Variants in TIGAR observed in about 807,000 individuals in gnomAD.
TIGAR encodes TP53 induced glycolysis regulatory phosphatase, also known as fructose-2,6-bisphosphatase TIGAR.
In TIGAR, 7 loss-of-function variants were observed where a neutral mutation model predicts 17.9. The ratio of observed to expected loss-of-function variants is 0.39; its 90% CI spans 0.22 to 0.73. The LOEUF is 0.73. Among genes scored for constraint, TIGAR ranks in the 30% least tolerant of loss-of-function variants. The pLI, the probability that TIGAR is intolerant of heterozygous loss-of-function variation, is 0.42. For synonymous variants in TIGAR, 94 were observed against 108.6 expected (o/e 0.87, Z 0.84); for missense variants, 258 against 327.4 (o/e 0.79, Z 1.64).
chr12:4,333,220 A>G (rs1485402614), intron 2 of TIGAR, among the ~76,000 whole-genome samples: 1 of 151,314 alleles, frequency 6.6e-6, no homozygotes, highest in African/African-American at 2.4e-5. Flanking sequence ...CTTTGTGTAT[A>G]CTCATGTTTA....
chr12:4,350,374 A>G (rs1864825149), intron 4 of TIGAR, among the ~76,000 whole-genome samples: 1 of 152,090 alleles, frequency 6.6e-6, no homozygotes, highest in African/African-American at 2.4e-5. Flanking sequence ...CTTCCAGAAA[A>G]CCTGTGCCAA....
chr12:4,356,831 C>T lies in TIGAR; in HGVS notation c.*4140C>T, dbSNP rs1464310785. 3.3e-5 allele frequency among the ~76,000 whole-genome samples: 5 copies of T among 152,142 alleles called. No homozygotes were observed. The highest frequency in any genetic ancestry group is 3.3e-4 in the Admixed American group (5 of 15,266). ...AGAAGTTTCCAGTTCCAGGCTTCAC[C>T]CCAGGCTCGCAGCTTCAAGCAGAGC... On this transcript the variant is annotated 3_prime_UTR_variant, in exon 6 of 6. Coordinates refer to ENST00000179259, the MANE Select transcript of TIGAR (RefSeq NM_020375.3).
Position 4,356,545 on chromosome 12 carries a change from A to C in TIGAR, c.*3854A>C, listed in dbSNP as rs539000460. On this transcript the variant is annotated 3_prime_UTR_variant, in exon 6 of 6. Coordinates refer to ENST00000179259, the MANE Select transcript of TIGAR (RefSeq NM_020375.3). ...TCAACATCCCCCACCAGACCAGTGC[A>C]TCTGTTACCATCGGTGAGCCCACAT... Among the ~76,000 whole-genome samples the C allele has an allele frequency of 2.0e-4, 30 of 152,232 alleles. 1 individual carries two copies. The South Asian group carries it at 6.2e-3, about 32-fold the overall frequency.
chr12:4,326,481 C>T (rs1418412237), intron 1 of TIGAR, among the ~76,000 whole-genome samples: 1 of 152,120 alleles, frequency 6.6e-6, no homozygotes, highest in Non-Finnish European at 1.5e-5. Context: ...TTTTTGGATT[C>T]CTACTCTTTA....
rs1429221480 is a variant in TIGAR at position 4,356,008 on chromosome 12, G to A, written c.*3317G>A. Among the ~76,000 whole-genome samples, 1 of 152,222 alleles carries A rather than the reference G, an allele frequency of 6.6e-6. No homozygotes were observed. The highest frequency in any genetic ancestry group is 1.5e-5 in the Non-Finnish European group (1 of 68,028). ...GCCACATGGCCTGGTGGCCTGTGCT[G>A]AGGCCTTGGGCTTTTACTCAAGTGA... On this transcript the variant is annotated 3_prime_UTR_variant, in exon 6 of 6. Transcript: ENST00000179259.
intron 2 of TIGAR, among the ~76,000 whole-genome samples, chr12:4,334,102 G>A (rs1011893856): frequency 1.3e-5 from 2 of 150,732 alleles, no homozygotes; most frequent in Admixed American, 1.3e-4. Context: ...TTCAAATGAT[G>A]TACCATTTCC....
intron 5 of TIGAR, 48 bp downstream of exon 5, chr12:4,351,425 T>C (rs370725803): frequency 5.3e-5 from 80 of 1,520,418 alleles, no homozygotes; most frequent in Non-Finnish European, 6.8e-5. Flanking sequence ...GACTCAAAAT[T>C]AGATGTTTTG....
At chr12:4,325,780 G>A (rs1425062734) in intron 1 of TIGAR, among the ~76,000 whole-genome samples, 2 of 150,114 alleles carry the variant, frequency 1.3e-5, no homozygotes, top group Non-Finnish European at 3.0e-5. Flanking sequence ...CAAAAGTCTT[G>A]TGTTACTAGC....
intron 1 of TIGAR, among the ~76,000 whole-genome samples, chr12:4,325,387 T>A (rs1032557956): frequency 6.6e-6 from 1 of 152,210 alleles, no homozygotes. Context: ...AGTATTTTTA[T>A]AAAGCTAATA....
At chr12:4,345,752 G>A (rs2120683294) in intron 3 of TIGAR, among the ~76,000 whole-genome samples, 1 of 152,298 alleles carries the variant, frequency 6.6e-6, no homozygotes, top group South Asian at 2.1e-4. Flanking sequence ...AGCCAAAGTT[G>A]ACGAATGGGA....
In TIGAR at chr12:4,356,208, TG is replaced by T. The variant is rs370870289; in HGVS notation, c.*3518del. Among the ~76,000 whole-genome samples, 7 of 152,270 alleles carry T rather than the reference TG, an allele frequency of 4.6e-5. No individual in the cohort carries two copies. In the East Asian group the frequency reaches 1.4e-3, roughly 29 times the overall value. ...CCATTTGAAGAAGCAAGGCCAGGGA[TG>T]TTGGCAGGGACCAGGCCAGAGTGCC... On this transcript the variant is annotated 3_prime_UTR_variant, in exon 6 of 6. Coordinates refer to ENST00000179259, the MANE Select transcript of TIGAR (RefSeq NM_020375.3).
rs1864675767 is a variant in TIGAR, at chr12:4,337,748, G to A, written c.192+588G>A. ...TAATCCACTGTGACATCAGGTATTA[G>A]GATTACCAGATAGAGTAAGAAACCA... On this transcript the variant is annotated intron_variant, in intron 3 of 5. Transcript: ENST00000179259. Among the ~76,000 whole-genome samples, 5 of 152,316 alleles carry A rather than the reference G, an allele frequency of 3.3e-5. No homozygotes were observed. In the South Asian group the frequency reaches 1.0e-3, roughly 32 times the overall value.
chr12:4,352,116 T>C (rs1364272015), intron 5 of TIGAR, 144 bp from the exon 6 acceptor site: 1 of 668,292 alleles, frequency 1.5e-6, no homozygotes, highest in Middle Eastern at 4.1e-4. Flanking sequence ...ATTGAACGAA[T>C]AGAAATGTAG....
At chr12:4,330,098 C>G (rs1176432694) in intron 1 of TIGAR, among the ~76,000 whole-genome samples, 2 of 152,112 alleles carry the variant, frequency 1.3e-5, no homozygotes, top group Non-Finnish European at 2.9e-5. Context: ...TTTTTGTAAA[C>G]AAGCGGCAAG....
Position 4,352,284 on chromosome 12 carries a change from T to G in TIGAR, c.406T>G (p.Phe136Val), listed in dbSNP as rs746542114. The change falls in exon 6 of 6, where the codon TTT becomes GTT. Residue 136 changes from phenylalanine to valine, a missense_variant. Physicochemically the swap from Phe to Val is conservative, Grantham distance 50. Transcript: ENST00000179259. Reference sequence around the variant, plus strand: ...GGTGAAAATGCGTGGAATAGACTTTTTTGAATTTCTTTGTCAACTAATCCT... The same window carrying G: ...GGTGAAAATGCGTGGAATAGACTTTGTTGAATTTCTTTGTCAACTAATCCT... ...DQVKMRGIDFFEFLCQLILKE... is the reference protein window; with the variant it reads ...DQVKMRGIDFVEFLCQLILKE... 4 of 1,612,076 alleles carry G rather than the reference T, an allele frequency of 2.5e-6. No homozygotes were observed. The African/African-American group carries it at 5.4e-5, about 22-fold the overall frequency.
At position 4,352,457 on chromosome 12, in the gene TIGAR, C is replaced by T; in HGVS notation, c.579C>T (p.Val193=). 2 of 1,614,080 alleles carry T rather than the reference C, an allele frequency of 1.2e-6. No homozygotes were observed. The highest frequency in any genetic ancestry group is 2.2e-5 in the South Asian group (2 of 91,074). The change falls in exon 6 of 6, where the codon GTC becomes GTT. Residue 193 remains valine, a synonymous_variant. Coordinates refer to ENST00000179259, the MANE Select transcript of TIGAR (RefSeq NM_020375.3). The stretch of plus-strand genomic sequence containing the variant: ...GTATTCCAGGATTAGCAGCCAGTGT[C>T]TTAGTTGTGAGTCACGGTGCTTACA... The part of the protein sequence containing the change: ...DSGIPGLAAS[V]LVVSHGAYMR...
rs1027641175 is a variant in TIGAR at position 4,357,977 on chromosome 12, G to A, written c.*5286G>A. On this transcript the variant is annotated 3_prime_UTR_variant, in exon 6 of 6. Transcript: ENST00000179259. ...AAATTAGCCAGGCCTGGTGGCCGGCGCCTGTAGTCCCAGCTACTTGGGAGG... is the reference window on the plus strand; with the variant it reads ...AAATTAGCCAGGCCTGGTGGCCGGCACCTGTAGTCCCAGCTACTTGGGAGG... 1.1e-4 allele frequency among the ~76,000 whole-genome samples: 17 copies of A among 151,834 alleles called. No homozygotes were observed. The highest frequency in any genetic ancestry group is 9.9e-4 in the Admixed American group (15 of 15,216).
At chr12:4,340,342 A>G (rs928615988) in intron 3 of TIGAR, among the ~76,000 whole-genome samples, 75 of 152,236 alleles carry the variant, frequency 4.9e-4, no homozygotes, top group African/African-American at 1.6e-3. Flanking sequence ...AATTAACCAA[A>G]GAAGTGAAAG....
intron 2 of TIGAR, among the ~76,000 whole-genome samples, chr12:4,335,060 G>A (rs758037694): frequency 2.0e-5 from 3 of 150,440 alleles, no homozygotes; most frequent in South Asian, 4.2e-4. Context: ...TTTTTGAGAC[G>A]GAGTTTCACT....
Sources: gnomAD v4.1 joint callset for allele counts (sites outside exome capture counted in the v4.1 genomes callset) on GRCh38, gnomAD v4.1.1 for gene constraint, MANE v1.5 for transcripts, NCBI Gene and HGNC (gene_info 2026-07-23, HGNC 2026-07-21) for gene names.